AGBL5: variants seen among roughly 807,000 people sequenced by gnomAD.
AGBL5 encodes AGBL carboxypeptidase 5.
Under a neutral mutation model 88.0 loss-of-function variants are expected in AGBL5, and 51 were observed. The observed-to-expected ratio is 0.58, with a 90% CI of 0.46 to 0.73. AGBL5 has a LOEUF of 0.73. Among genes scored for constraint, AGBL5 ranks in the 30% least tolerant of loss-of-function variants. AGBL5 has a pLI of 0.00. For missense variants in AGBL5, 1,031 were observed against 1,162.2 expected, an observed-to-expected ratio of 0.89 and a Z score of 1.64; for synonymous variants, 446 against 438.8, an observed-to-expected ratio of 1.02 and a Z score of -0.21.
In AGBL5 at chr2:27,053,137, CAG is replaced by C; in HGVS notation, c.181_182del (p.Asp61LeufsTer3). ...TATGAATTCAACGTGTGGACCCGAC[CAG>C]ACTGTGCTGAAACGGAATTTGAGAA... On this transcript the variant is annotated frameshift_variant, in exon 2 of 15. Coordinates refer to ENST00000360131, the MANE Select transcript of AGBL5 (RefSeq NM_021831.6). LOFTEE classifies it high-confidence loss of function. This position sits in a 1 kb window ranked among gnomAD's most constrained non-coding sequence, Gnocchi z 4.9. 6.2e-7 allele frequency: 1 copy of C among 1,608,308 alleles called. No homozygotes were observed. The highest frequency in any genetic ancestry group is 1.3e-5 in the African/African-American group (1 of 74,916).
chr2:27,065,328 C>G (rs1055333403), intron 11 of AGBL5, among the ~76,000 whole-genome samples: 2 of 152,190 alleles, frequency 1.3e-5, no homozygotes, highest in African/African-American at 4.8e-5. Context: ...TACCATCTGT[C>G]CCCCTGGGCC....
At chr2:27,058,077 C>CA (rs371762935) in intron 9 of AGBL5, among the ~76,000 whole-genome samples, 219 of 126,884 alleles carry the variant, frequency 1.7e-3, no homozygotes, top group Middle Eastern at 4.1e-3. Flanking sequence ...GATGCCGTCT[C>CA]AAAAAAAAAA....
rs369620466 is a variant in AGBL5 at position 27,053,179 on chromosome 2, T to G, written c.215+6T>G. The stretch of plus-strand genomic sequence containing the variant: ...GAATTTGAGAATGGGAACAGGTATA[T>G]GGAACGAAATGGAGGGTGGAAAAAG... On this transcript the variant is annotated splice_donor_region_variant and intron_variant, in intron 2 of 14. Coordinates refer to ENST00000360131, the MANE Select transcript of AGBL5 (RefSeq NM_021831.6). The surrounding 1 kb of genome is among the most constrained non-coding windows in gnomAD (Gnocchi z 4.9). 1 of 1,576,638 alleles carries G rather than the reference T, an allele frequency of 6.3e-7. No homozygotes were observed. Among genetic ancestry groups the G allele is most frequent in the East Asian group, 2.3e-5 (1 of 44,396 alleles).
chr2:27,058,721 C>G (rs943330815), intron 10 of AGBL5, 119 bp downstream of exon 10: 16 of 1,087,186 alleles, frequency 1.5e-5, no homozygotes, highest in Non-Finnish European at 2.0e-5. Flanking sequence ...TGGCAAATAT[C>G]TTCAGGGTAA....
In AGBL5 at chr2:27,069,392, C is replaced by A. The variant is rs113252647; in HGVS notation, c.2356-181C>A. The A allele has an allele frequency of 7.7e-5, 76 of 985,402 alleles. No homozygotes were observed. In the African/African-American group the frequency reaches 1.0e-3, roughly 14 times the overall value. 61.0% of individuals were successfully genotyped at this position (985,402 alleles called of 1,614,324 possible). On this transcript the variant is annotated intron_variant, in intron 13 of 14. Coordinates refer to ENST00000360131, the MANE Select transcript of AGBL5 (RefSeq NM_021831.6). ...TAGACTTGGAGTGCATAGTCATGGA[C>A]TGAATCCAGGACTTCTCTGGCTATT...
At chr2:27,057,108 C>G in intron 8 of AGBL5, 195 bp from the exon 9 acceptor site, 1 of 607,630 alleles carries the variant, frequency 1.6e-6, no homozygotes, top group Non-Finnish European at 2.8e-6. Flanking sequence ...TAGTCTAGGA[C>G]TCTACCTTGG....
At chr2:27,057,588 G>A (rs1668501295) in intron 9 of AGBL5, 150 bp downstream of exon 9, 3 of 942,336 alleles carry the variant, frequency 3.2e-6, no homozygotes, top group African/African-American at 3.4e-5. Context: ...GTTAACAGGA[G>A]CATAACTACA....
chr2:27,070,194 T>TAC lies in AGBL5; in HGVS notation c.2592_2593insAC (p.Pro865ThrfsTer17). On this transcript the variant is annotated frameshift_variant, in exon 15 of 15. Transcript: ENST00000360131. LOFTEE classifies it high-confidence loss of function. ...CATCCTGGAATTGTTACAGCAGGGGTCCCTTGGGCCAACCTGAGGTTTGTT... is the reference window on the plus strand; with the variant it reads ...CATCCTGGAATTGTTACAGCAGGGGTACCCCTTGGGCCAACCTGAGGTTTGTT... The TAC allele has an allele frequency of 6.2e-7, 1 of 1,614,142 alleles. No homozygotes were observed. Among genetic ancestry groups the TAC allele is most frequent in the East Asian group, 2.2e-5 (1 of 44,882 alleles).
Position 27,069,563 on chromosome 2 carries a change from G to A in AGBL5, c.2356-10G>A, listed in dbSNP as rs1190876108. On this transcript the variant is annotated splice_polypyrimidine_tract_variant and intron_variant, in intron 13 of 14. Coordinates refer to ENST00000360131, the MANE Select transcript of AGBL5 (RefSeq NM_021831.6). ...AATCCAGCCTCTTAGCGCAAACCCT[G>A]TCCACACAGGCTAGGCCCAGGTTGG... is the stretch of plus-strand genomic sequence containing the variant. The A allele has an allele frequency of 6.2e-7, 1 of 1,612,142 alleles. No individual in the cohort carries two copies. The highest frequency in any genetic ancestry group is 1.1e-5 in the South Asian group (1 of 91,042).
intron 9 of AGBL5, 37 bp from the exon 10 acceptor site, chr2:27,058,363 G>A (rs914113808): frequency 3.1e-6 from 5 of 1,610,128 alleles, no homozygotes; most frequent in African/African-American, 1.3e-5. Context: ...CTGGATGGGA[G>A]GACCAGCATG....
At position 27,053,195 on chromosome 2, in the gene AGBL5, G is replaced by C. The variant is rs776364656; in HGVS notation, c.215+22G>C. 7.7e-6 allele frequency: 12 copies of C among 1,559,468 alleles called. No individual in the cohort carries two copies. In the South Asian group the frequency reaches 1.5e-4, roughly 19 times the overall value. On this transcript the variant is annotated intron_variant, in intron 2 of 14. Transcript: ENST00000360131. The surrounding 1 kb of genome is among the most constrained non-coding windows in gnomAD (Gnocchi z 4.9). ...ACAGGTATATGGAACGAAATGGAGG[G>C]TGGAAAAAGGCTCCAAACCCATGCT... is the stretch of plus-strand genomic sequence containing the variant.
At chr2:27,051,301 C>T (rs774285931), upstream of AGBL5, 1 of 152,212 alleles carries the variant, frequency 6.6e-6, no homozygotes, top group South Asian at 2.1e-4. Context: ...GCTTTTGCGT[C>T]CGTCACACTA....
At chr2:27,054,497 C>A in intron 4 of AGBL5, 133 bp from the exon 5 acceptor site, 1 of 799,118 alleles carries the variant, frequency 1.3e-6, no homozygotes, top group Non-Finnish European at 2.0e-6. Context: ...CCTCATTTAA[C>A]ATTGTGAGGG....
chr2:27,053,914 G>A lies in AGBL5; in HGVS notation c.406G>A (p.Val136Met), dbSNP rs1446150684. 6.2e-7 allele frequency: 1 copy of A among 1,613,878 alleles called. No homozygotes were observed. Residue 136 changes from valine to methionine, a missense_variant, in exon 4 of 15, where the codon GTG (valine) becomes ATG (methionine). This residue lies in a region of AGBL5 where 540 missense variants were observed against 678.2 expected (regional missense o/e 0.80). Coordinates refer to ENST00000360131, the MANE Select transcript of AGBL5 (RefSeq NM_021831.6). The surrounding 1 kb of genome is among the most constrained non-coding windows in gnomAD (Gnocchi z 4.9). ...TCTTCAGATGACAGAGACGCAGTTT[G>A]TGTTATCCTTTGTTCATCGTTTCGT... ...PTFEMTETQF[V>M]LSFVHRFVEG...
At chr2:27,067,185 G>A (rs1044910892) in intron 11 of AGBL5, among the ~76,000 whole-genome samples, 2 of 150,924 alleles carry the variant, frequency 1.3e-5, no homozygotes, top group Non-Finnish European at 2.9e-5. Flanking sequence ...CTAGGAGGCT[G>A]AGGCTCGGTG....
chr2:27,052,831 C>T, intron 1 of AGBL5, 82 bp from the exon 2 acceptor site: 1 of 792,604 alleles, frequency 1.3e-6, no homozygotes, highest in South Asian at 2.2e-5. Context: ...CTAAGAATAG[C>T]TCTTATTTAT....
At chr2:27,055,434 G>C (rs1220572101) in intron 6 of AGBL5, 181 bp downstream of exon 6, 48 of 958,992 alleles carry the variant, frequency 5.0e-5, no homozygotes, top group Non-Finnish European at 7.1e-5. Flanking sequence ...TCCCAGAAAG[G>C]AACCAAACTA....
intron 4 of AGBL5, 70 bp downstream of exon 4, chr2:27,054,129 T>C (rs1157293553): frequency 4.6e-6 from 7 of 1,510,992 alleles, no homozygotes; most frequent in Non-Finnish European, 6.2e-6. Context: ...TTCTGGAATT[T>C]GCTCTTAGAG....
Position 27,068,710 on chromosome 2 carries a change from G to A in AGBL5, c.2321G>A (p.Gly774Glu), listed in dbSNP as rs914834807. ...MVIGKGLLGT[G>E]ARMPCIKTRL... ...ATCGGGAAAGGTCTGCTAGGGACTG[G>A]AGCTCGGATGCCCTGCATCAAGACT... Residue 774 changes from glycine (G) to glutamate (E), a missense_variant, in exon 13 of 15, where the codon GGA becomes GAA. Transcript: ENST00000360131. 6.2e-7 allele frequency: 1 copy of A among 1,614,166 alleles called. No individual in the cohort carries two copies. The highest frequency in any genetic ancestry group is 1.6e-4 in the Middle Eastern group (1 of 6,062).
Sources: gnomAD v4.1 joint callset for allele counts (sites outside exome capture counted in the v4.1 genomes callset) on GRCh38, gnomAD v4.1.1 for gene constraint, gnomAD v4.1.1 regional missense constraint, Gnocchi (gnomAD v3.1) non-coding constraint, MANE v1.5 for transcripts, NCBI Gene and HGNC (gene_info 2026-07-23, HGNC 2026-07-21) for gene names.